Variants in ANKRD30BL observed in about 807,000 individuals in gnomAD.
ANKRD30BL encodes the protein ankyrin repeat domain 30B like, also known as putative ankyrin repeat domain-containing protein 30B-like.
In ANKRD30BL, 20 loss-of-function variants were observed where a neutral mutation model predicts 18.4. The ratio of observed to expected loss-of-function variants is 1.09; its 90% confidence interval spans 0.77 to 1.58. The LOEUF (loss-of-function observed/expected upper bound fraction) is 1.58, where lower values mean the gene tolerates loss of function less well. Among genes scored for constraint, ANKRD30BL ranks in the 40% most tolerant of loss-of-function variants. The probability of loss-of-function intolerance (pLI) is 0.00; values close to 1 mark genes in which losing one functional copy is unlikely to be tolerated. For missense variants in ANKRD30BL, 224 were observed against 268.6 expected (o/e 0.83, Z 1.16); for synonymous variants, 72 against 100.9 (o/e 0.71, Z 1.72).
At chr2:132,230,671 T>C (rs1261140841) in intron 1 of ANKRD30BL, among the ~76,000 whole-genome samples, 1 of 152,208 alleles carries the variant, frequency 6.6e-6, no homozygotes, top group Non-Finnish European at 1.5e-5. Flanking sequence ...ACAGAAGCAT[T>C]CTCACAAACT....
intron 1 of ANKRD30BL, among the ~76,000 whole-genome samples, chr2:132,249,058 TC>T (rs1680579653): frequency 6.8e-6 from 1 of 147,228 alleles, no homozygotes; most frequent in African/African-American, 2.5e-5. Context: ...AACGTTTACC[TC>T]TGTGAGATGA....
At chr2:132,150,053 A>G (rs1200309109) in intron 5 of ANKRD30BL, among the ~76,000 whole-genome samples, 1 of 152,122 alleles carries the variant, frequency 6.6e-6, no homozygotes, top group East Asian at 1.9e-4. Flanking sequence ...TTTCCTATAA[A>G]GCAGATTTTC....
chr2:132,246,748 G>C (rs1267622083), intron 1 of ANKRD30BL, among the ~76,000 whole-genome samples: 1 of 151,864 alleles, frequency 6.6e-6, no homozygotes, highest in African/African-American at 2.4e-5. Flanking sequence ...CACTCCTTTT[G>C]TGGAATCTGT....
At chr2:132,181,929 T>A (rs537336762) in intron 1 of ANKRD30BL, among the ~76,000 whole-genome samples, 1 of 151,930 alleles carries the variant, frequency 6.6e-6, no homozygotes, top group South Asian at 2.1e-4. Flanking sequence ...CTGACCAACA[T>A]GGAGAAACCC....
chr2:132,165,023 G>A (rs567444296), upstream of ANKRD30BL, among the ~76,000 whole-genome samples: 1 of 152,182 alleles, frequency 6.6e-6, no homozygotes, highest in South Asian at 2.1e-4. Flanking sequence ...GCAGTGAGCC[G>A]AGATCGTGCC....
intron 1 of ANKRD30BL, among the ~76,000 whole-genome samples, chr2:132,187,172 G>GTTTTTTT (rs1407000925): frequency 1.5e-4 from 12 of 80,266 alleles, no homozygotes; most frequent in East Asian, 3.7e-4. Context: ...GAAGTTTTTT[G>GTTTTTTT]TTTTTTTTTT....
intron 5 of ANKRD30BL, among the ~76,000 whole-genome samples, chr2:132,149,218 T>G (rs1245093383): frequency 6.9e-6 from 1 of 144,466 alleles, no homozygotes; most frequent in Non-Finnish European, 1.5e-5. Context: ...ATTGTGAAAA[T>G]TTTTTCCACT....
At chr2:132,251,230 G>A (rs78345789) in intron 1 of ANKRD30BL, among the ~76,000 whole-genome samples, 60 of 150,026 alleles carry the variant, frequency 4.0e-4, no homozygotes, top group Middle Eastern at 6.8e-3. Flanking sequence ...GTGACATCTC[G>A]CATAGCCATA....
At chr2:132,254,578 A>G (rs1680768968) in intron 1 of ANKRD30BL, among the ~76,000 whole-genome samples, 2 of 152,192 alleles carry the variant, frequency 1.3e-5, no homozygotes, top group Non-Finnish European at 2.9e-5. Context: ...TTCCTCATTC[A>G]TGGGGAAAAA....
chr2:132,255,084 C>A (rs1212985146), intron 1 of ANKRD30BL, among the ~76,000 whole-genome samples: 2 of 152,168 alleles, frequency 1.3e-5, no homozygotes, highest in African/African-American at 2.4e-5. Flanking sequence ...AGCTGCCCAG[C>A]GGGTCATGGG....
chr2:132,255,216 G>A (rs1236252536), intron 1 of ANKRD30BL, among the ~76,000 whole-genome samples: 3 of 152,046 alleles, frequency 2.0e-5, no homozygotes, highest in Non-Finnish European at 2.9e-5. Flanking sequence ...AAATGCTTTC[G>A]CTCTGGTCTA....
chr2:132,217,091 C>T (rs1671228743), intron 1 of ANKRD30BL, among the ~76,000 whole-genome samples: 1 of 151,758 alleles, frequency 6.6e-6, no homozygotes, highest in Admixed American at 6.6e-5. Context: ...AAGGAAATAT[C>T]TTCACATAAA....
intron 1 of ANKRD30BL, among the ~76,000 whole-genome samples, chr2:132,196,054 A>G (rs1678960262): frequency 6.6e-6 from 1 of 151,482 alleles, no homozygotes. Flanking sequence ...GGGCAGGAGA[A>G]TAGCGTGAAC....
At chr2:132,249,251 C>G (rs10153827) in intron 1 of ANKRD30BL, among the ~76,000 whole-genome samples, 1 of 151,482 alleles carries the variant, frequency 6.6e-6, no homozygotes, top group Non-Finnish European at 1.5e-5. Flanking sequence ...AGTGCACACA[C>G]CACACAGATG....
At chr2:132,206,309 C>G (rs1679211871) in intron 1 of ANKRD30BL, among the ~76,000 whole-genome samples, 1 of 152,088 alleles carries the variant, frequency 6.6e-6, no homozygotes, top group Non-Finnish European at 1.5e-5. Context: ...CACTGGATTT[C>G]AACTTTTGAG....
intron 1 of ANKRD30BL, among the ~76,000 whole-genome samples, chr2:132,255,868 CG>C (rs896618236): frequency 6.6e-6 from 1 of 152,120 alleles, no homozygotes; most frequent in African/African-American, 2.4e-5. Flanking sequence ...ATCGCTGCCA[CG>C]GGGGGCGTGC....
rs554238897 is a variant in ANKRD30BL at position 132,231,000 on chromosome 2, T to G, written n.441+26529A>C. ...AACGGGAATATCTTCACATAATCAC[T>G]AGACAGAAGATTTCTCAGAAACTTT... On this transcript the variant is annotated intron_variant and non_coding_transcript_variant, in intron 1 of 4. Transcript: ENST00000470729. 8.5e-5 allele frequency among the ~76,000 whole-genome samples: 13 copies of G among 152,286 alleles called. No individual in the cohort carries two copies. The South Asian group carries it at 2.7e-3, about 32-fold the overall frequency.
At chr2:132,172,712 T>A (rs1023267675) in intron 1 of ANKRD30BL, among the ~76,000 whole-genome samples, 40 of 102,488 alleles carry the variant, frequency 3.9e-4, no homozygotes, top group African/African-American at 1.6e-3. Flanking sequence ...TGAGGGTGAC[T>A]TTTTTTTTTT....
At chr2:132,241,615 C>A (rs939022092) in intron 1 of ANKRD30BL, among the ~76,000 whole-genome samples, 1 of 151,806 alleles carries the variant, frequency 6.6e-6, no homozygotes, top group Non-Finnish European at 1.5e-5. Flanking sequence ...AGTTTTGAAT[C>A]ACTCTTTTTG....
Sources: gnomAD v4.1 joint callset for allele counts (sites outside exome capture counted in the v4.1 genomes callset) on GRCh38, gnomAD v4.1.1 for gene constraint, MANE v1.5 for transcripts, NCBI Gene and HGNC (gene_info 2026-07-23, HGNC 2026-07-21) for gene names.